GABRG3: variants seen among roughly 807,000 people sequenced by gnomAD.
The protein encoded by GABRG3 is gamma-aminobutyric acid type A receptor subunit gamma3, also known as gamma-aminobutyric acid receptor subunit gamma-3.
GABRG3 carries 25 observed loss-of-function variants against 48.8 expected under a neutral mutation model. That is an observed-to-expected ratio of 0.51 (90% CI 0.37 to 0.72). GABRG3 has a LOEUF of 0.72. Among genes scored for constraint, GABRG3 ranks in the 30% least tolerant of loss-of-function variants. The probability of loss-of-function intolerance (pLI) is 0.00; values close to 1 mark genes in which losing one functional copy is unlikely to be tolerated. For missense variants in GABRG3, 394 were observed against 577.9 expected (o/e 0.68, Z 3.26); for synonymous variants, 227 against 217.6 (o/e 1.04, Z -0.38).
At chr15:27,267,288 G>A (rs1399339425) in intron 3 of GABRG3, among the ~76,000 whole-genome samples, 5 of 151,668 alleles carry the variant, frequency 3.3e-5, no homozygotes, top group Admixed American at 1.3e-4. Context: ...TGTATTTTTA[G>A]TAGTGACAGG....
chr15:27,237,799 T>C (rs1869600), intron 3 of GABRG3, among the ~76,000 whole-genome samples: 8,243 of 152,286 alleles, frequency 0.054, 515 homozygotes, highest in African/African-American at 0.15. Flanking sequence ...TCCTTGCTCA[T>C]TGGGACTTGG....
chr15:27,281,184 A>C (rs907837710), intron 3 of GABRG3, among the ~76,000 whole-genome samples: 1 of 151,986 alleles, frequency 6.6e-6, no homozygotes, highest in East Asian at 1.9e-4. Flanking sequence ...CTTTCACCCT[A>C]CCTATATTAT....
intron 6 of GABRG3, among the ~76,000 whole-genome samples, chr15:27,500,345 G>C (rs772257570): frequency 1.3e-5 from 2 of 152,150 alleles, no homozygotes; most frequent in East Asian, 3.9e-4. Flanking sequence ...CACACAGCCC[G>C]AGGCAGAAGG....
At position 27,457,627 on chromosome 15, in the gene GABRG3, C is replaced by G. The variant is rs576397644; in HGVS notation, c.575-23023C>G. On this transcript the variant is annotated intron_variant, in intron 5 of 9. Coordinates refer to ENST00000615808, the MANE Select transcript of GABRG3 (RefSeq NM_033223.5). The surrounding 1 kb of genome is among the most constrained non-coding windows in gnomAD (Gnocchi z 4.4). Reference sequence around the variant, plus strand: ...GGATTGATCCACTGTACCAGCCCTGCCCTCTCTAGGACGGGCTGCCTCCTT... The same window carrying G: ...GGATTGATCCACTGTACCAGCCCTGGCCTCTCTAGGACGGGCTGCCTCCTT... Among the ~76,000 whole-genome samples, 1 of 152,282 alleles carries G rather than the reference C, an allele frequency of 6.6e-6. No homozygotes were observed. Among genetic ancestry groups the G allele is most frequent in the Admixed American group, 6.5e-5 (1 of 15,298 alleles).
At chr15:27,335,157 G>GACTATCGTGACTGCTATACCCATTA (rs1893922787) in intron 5 of GABRG3, among the ~76,000 whole-genome samples, 1 of 151,850 alleles carries the variant, frequency 6.6e-6, no homozygotes, top group African/African-American at 2.4e-5. Flanking sequence ...TATACCCATT[G>GACTATCGTGACTGCTATACCCATTA]GTAGACAAGA....
chr15:27,147,872 AT>A (rs1317638172), intron 3 of GABRG3, among the ~76,000 whole-genome samples: 1 of 151,942 alleles, frequency 6.6e-6, no homozygotes, highest in African/African-American at 2.4e-5. Context: ...AAAAAGTGAG[AT>A]TTCAAATAAA....
intron 3 of GABRG3, among the ~76,000 whole-genome samples, chr15:27,174,534 GT>G (rs1047064272): frequency 6.6e-6 from 1 of 151,756 alleles, no homozygotes; most frequent in Non-Finnish European, 1.5e-5. Flanking sequence ...TGCTGAGTGG[GT>G]AGTGCCCTAG....
chr15:27,374,792 T>C (rs577683061), intron 5 of GABRG3, among the ~76,000 whole-genome samples: 2 of 152,190 alleles, frequency 1.3e-5, no homozygotes, highest in South Asian at 2.1e-4. Flanking sequence ...CAGTTCATTA[T>C]TGGCTGAGGT....
chr15:27,400,119 T>A (rs1274097982), intron 5 of GABRG3, among the ~76,000 whole-genome samples: 1 of 152,242 alleles, frequency 6.6e-6, no homozygotes, highest in African/African-American at 2.4e-5. Context: ...TTTCAGATGA[T>A]GTTTTTCTTC....
intron 5 of GABRG3, among the ~76,000 whole-genome samples, chr15:27,418,319 C>T (rs1888004948): frequency 6.6e-6 from 1 of 152,206 alleles, no homozygotes. Flanking sequence ...TAATTTCACA[C>T]TAAGAGACAA....
At chr15:27,041,126 A>G (rs987879723) in intron 3 of GABRG3, among the ~76,000 whole-genome samples, 1 of 152,220 alleles carries the variant, frequency 6.6e-6, no homozygotes, top group African/African-American at 2.4e-5. Flanking sequence ...CACCATTCAC[A>G]ATGCTTATTA....
At chr15:27,441,470 T>C (rs895563957) in intron 5 of GABRG3, among the ~76,000 whole-genome samples, 2 of 152,212 alleles carry the variant, frequency 1.3e-5, no homozygotes, top group African/African-American at 4.8e-5. Context: ...CCTGTGTCCC[T>C]GAATCTCCCA....
intron 5 of GABRG3, among the ~76,000 whole-genome samples, chr15:27,411,119 T>C (rs891955308): frequency 6.6e-6 from 1 of 152,088 alleles, no homozygotes; most frequent in Non-Finnish European, 1.5e-5. Flanking sequence ...TCCGTGGTAT[T>C]TATTTAAGGA....
chr15:27,229,943 T>C (rs1449692857), intron 3 of GABRG3, among the ~76,000 whole-genome samples: 1 of 152,228 alleles, frequency 6.6e-6, no homozygotes, highest in East Asian at 1.9e-4. Context: ...AAGAATGTTG[T>C]TGTCAGTTTG....
rs150820963 is a variant in GABRG3 at position 27,299,869 on chromosome 15, TA to T, written c.271-26934del. Among the ~76,000 whole-genome samples the T allele has an allele frequency of 5.7e-3, 874 of 152,136 alleles. 9 individuals carry two copies. Among genetic ancestry groups the T allele is most frequent in the African/African-American group, 0.02 (836 of 41,502 alleles). ...GGCCCAAAAAACACATGCCAGAGAA[TA>T]AAAAAGTACTAGGTAGCTTGCAGAA... On this transcript the variant is annotated intron_variant, in intron 3 of 9. Coordinates refer to ENST00000615808, the MANE Select transcript of GABRG3 (RefSeq NM_033223.5).
intron 6 of GABRG3, among the ~76,000 whole-genome samples, chr15:27,501,203 G>A (rs1292359486): frequency 2.6e-5 from 4 of 152,078 alleles, no homozygotes; most frequent in Non-Finnish European, 4.4e-5. Flanking sequence ...TGCCCACCTT[G>A]GCCTCCCAAA....
At chr15:27,252,722 T>C (rs1202768165) in intron 3 of GABRG3, among the ~76,000 whole-genome samples, 3 of 152,196 alleles carry the variant, frequency 2.0e-5, no homozygotes, top group Non-Finnish European at 2.9e-5. Context: ...CCAGGCAGAA[T>C]ATTGTATCTG....
rs548333274 is a variant in GABRG3 at position 27,151,214 on chromosome 15, T to G, written c.270+124393T>G. Among the ~76,000 whole-genome samples, 137 of 152,270 alleles carry G rather than the reference T, an allele frequency of 9.0e-4. 1 individual carries two copies. Among genetic ancestry groups the G allele is most frequent in the Middle Eastern group, 3.4e-3 (1 of 294 alleles). On this transcript the variant is annotated intron_variant, in intron 3 of 9. Transcript: ENST00000615808. ...CACTGCAGGATCTGTCATGTTGCCC[T>G]TTTATGACCACACACATTTCCCTCA...
At chr15:27,314,792 AAC>A (rs1893155361) in intron 3 of GABRG3, among the ~76,000 whole-genome samples, 1 of 152,242 alleles carries the variant, frequency 6.6e-6, no homozygotes. Context: ...TAAATGAAAT[AAC>A]ACAGTCACAG....
Sources: allele counts gnomAD v4.1 joint callset (sites outside exome capture counted in the v4.1 genomes callset), GRCh38; gene constraint gnomAD v4.1.1; non-coding constraint Gnocchi (gnomAD v3.1); transcripts MANE v1.5; gene names NCBI Gene and HGNC (gene_info 2026-07-23, HGNC 2026-07-21).